Variants in NADSYN1 observed in about 807,000 individuals in gnomAD.
NADSYN1 encodes glutamine-dependent NAD(+) synthetase.
A neutral mutation model predicts 99.3 loss-of-function variants in NADSYN1; 80 were observed. That is an observed-to-expected ratio of 0.81 (90% CI 0.67 to 0.97). The LOEUF (loss-of-function observed/expected upper bound fraction) is 0.97. Among genes scored for constraint, NADSYN1 ranks in the 50% least tolerant of loss-of-function variants. The pLI, the probability that NADSYN1 is intolerant of heterozygous loss-of-function variation, is 0.00. For missense variants in NADSYN1, 859 were observed against 948.5 expected (o/e 0.91, Z 1.24); for synonymous variants, 385 against 372.1 (o/e 1.03, Z -0.40).
At chr11:71,477,114 C>G in intron 9 of NADSYN1, 2 of 1,127,626 alleles carry the variant, frequency 1.8e-6, no homozygotes, top group Non-Finnish European at 2.2e-6. Flanking sequence ...GCCTCCTGCT[C>G]AAGCAACAGA....
intron 5 of NADSYN1, among the ~76,000 whole-genome samples, chr11:71,470,866 C>A (rs1242443551): frequency 6.6e-6 from 1 of 152,188 alleles, no homozygotes; most frequent in African/African-American, 2.4e-5. Flanking sequence ...CTTTCATCTT[C>A]TTTCTAACCA....
intron 16 of NADSYN1, among the ~76,000 whole-genome samples, chr11:71,489,107 G>T (rs1188278669): frequency 6.6e-6 from 1 of 152,154 alleles, no homozygotes; most frequent in East Asian, 1.9e-4. Context: ...TTAAGTTGGG[G>T]TCAGCATGGG....
intron 5 of NADSYN1, among the ~76,000 whole-genome samples, chr11:71,466,268 T>C (rs1218052799): frequency 6.6e-6 from 1 of 152,208 alleles, no homozygotes; most frequent in East Asian, 1.9e-4. Context: ...TCTCCTAGGC[T>C]GAGCACCTAC....
intron 9 of NADSYN1, 26 bp downstream of exon 9, chr11:71,474,552 G>T (rs1419849887): frequency 1.2e-6 from 2 of 1,613,522 alleles, no homozygotes; most frequent in Non-Finnish European, 1.7e-6. Flanking sequence ...GGACATGCCT[G>T]GGGGAGGGTT....
rs183751139 is a variant in NADSYN1 at position 71,463,508 on chromosome 11, G to A, written c.317+23G>A. 1,719 of 1,609,376 alleles carry A rather than the reference G, an allele frequency of 1.1e-3. 23 individuals carry two copies. The Admixed American group carries it at 0.025, about 23-fold the overall frequency. On this transcript the variant is annotated intron_variant, in intron 4 of 20. Coordinates refer to ENST00000319023, the MANE Select transcript of NADSYN1 (RefSeq NM_018161.5). ...CAGGTAGGCCCCCTGCCCCCACCCC[G>A]GGAGGGTGACTGGGGCCTCTCCCTG...
At chr11:71,477,143 C>G in intron 9 of NADSYN1, 1 of 1,139,444 alleles carries the variant, frequency 8.8e-7, no homozygotes, top group South Asian at 1.8e-5. Context: ...TCACCCCCGT[C>G]GGGCCCGCGT....
At chr11:71,479,589 T>G (rs1165326232) in intron 10 of NADSYN1, 5 of 152,168 alleles carry the variant, frequency 3.3e-5, no homozygotes, top group South Asian at 2.1e-4. Flanking sequence ...CAACCACAAG[T>G]CTACTGTCTG....
intron 3 of NADSYN1, 86 bp from the exon 4 acceptor site, chr11:71,463,346 T>C: frequency 8.1e-7 from 1 of 1,228,602 alleles, no homozygotes; most frequent in South Asian, 1.2e-5. Context: ...GTAAAATGCA[T>C]GATTCCAGAG....
intron 2 of NADSYN1, among the ~76,000 whole-genome samples, chr11:71,456,644 C>T (rs942014301): frequency 6.6e-6 from 1 of 152,234 alleles, no homozygotes; most frequent in Non-Finnish European, 1.5e-5. Context: ...ATAAATGTTA[C>T]ATCCACCTCT....
Position 71,501,620 on chromosome 11 carries a change from C to T in NADSYN1, c.*268C>T. The T allele has an allele frequency of 4.0e-6, 2 of 502,722 alleles. No individual in the cohort carries two copies. Among genetic ancestry groups the T allele is most frequent in the Non-Finnish European group, 7.1e-6 (2 of 282,614 alleles). The allele number at this position is 502,722 out of a possible 1,614,324, so 31.1% of individuals were successfully genotyped here. On this transcript the variant is annotated 3_prime_UTR_variant, in exon 21 of 21. Coordinates refer to ENST00000319023, the MANE Select transcript of NADSYN1 (RefSeq NM_018161.5). The stretch of plus-strand genomic sequence containing the variant: ...GAAGTCTGGCATTCTCCGAAGGAAG[C>T]CGCCTGGGTAGGAGGGTTCCAACCG...
chr11:71,453,229 G>T lies in NADSYN1; in HGVS notation c.-68G>T, dbSNP rs1236418478. The T allele has an allele frequency of 1.4e-6, 2 of 1,422,266 alleles. No homozygotes were observed. The highest frequency in any genetic ancestry group is 2.4e-5 in the South Asian group (2 of 83,930). The allele number at this position is 1,422,266 out of a possible 1,614,324, so 88.1% of individuals were successfully genotyped here. A position where few individuals can be genotyped will look rare whatever the true frequency, so the allele number is the denominator to read the frequency against. Reference sequence around the variant, plus strand: ...ACCCGGAAGGTCCGGCGTCCCAGCCGCCTACCTCGCTGGGACCCTGGTCTT... The same window carrying T: ...ACCCGGAAGGTCCGGCGTCCCAGCCTCCTACCTCGCTGGGACCCTGGTCTT... On this transcript the variant is annotated 5_prime_UTR_variant, in exon 1 of 21. Coordinates refer to ENST00000319023, the MANE Select transcript of NADSYN1 (RefSeq NM_018161.5).
chr11:71,476,860 TAGTGAGCACC>T, intron 9 of NADSYN1: 1 of 986,686 alleles, frequency 1.0e-6, no homozygotes, highest in Non-Finnish European at 1.2e-6. Context: ...TCTGTATATT[TAGTGAGCACC>T]AGGCAGTTGT....
Position 71,484,319 on chromosome 11 carries a change from A to G in NADSYN1, c.1327A>G (p.Ile443Val), listed in dbSNP as rs1347202391. 1.9e-6 allele frequency: 3 copies of G among 1,613,674 alleles called. No individual in the cohort carries two copies. The highest frequency in any genetic ancestry group is 3.3e-5 in the Admixed American group (2 of 60,010). The change falls in exon 15 of 21, where the codon ATC becomes GTC. Residue 443 changes from isoleucine (I) to valine (V), a missense_variant. By Grantham distance (29) the Ile-to-Val change is conservative. Transcript: ENST00000319023. ...CTATCCTTCTCCTTCCAGCCACCAC[A>G]TCAGTCTCAACATCGATCCAGCCGT... ...ELAQQIGSHHISLNIDPAVKA... is the reference protein window; with the variant it reads ...ELAQQIGSHHVSLNIDPAVKA...
chr11:71,469,806 A>G (rs774914416), intron 5 of NADSYN1, among the ~76,000 whole-genome samples: 1 of 151,986 alleles, frequency 6.6e-6, no homozygotes, highest in Non-Finnish European at 1.5e-5. Flanking sequence ...CCTGTTCCCA[A>G]CACCAGCTAC....
rs200883440 is a variant in NADSYN1, at chr11:71,481,949, C to G, written c.1074C>G (p.Gly358=). 5.6e-6 allele frequency: 9 copies of G among 1,608,664 alleles called. No individual in the cohort carries two copies. The East Asian group carries it at 1.8e-4, about 32-fold the overall frequency. ...CAGGGTTTTTGCTGCCCTTGAGTGG[C>G]GGGGTGGACAGCGCAGCCACCGCCT... is the stretch of plus-strand genomic sequence containing the variant. ...QQAGFLLPLS[G]GVDSAATACL... Residue 358 remains glycine (G), a synonymous_variant, in exon 13 of 21, where the codon GGC becomes GGG. Transcript: ENST00000319023.
At chr11:71,501,221 C>T (rs553428343) in intron 20 of NADSYN1, 81 bp from the exon 21 acceptor site, 79 of 1,317,132 alleles carry the variant, frequency 6.0e-5, no homozygotes, top group South Asian at 5.6e-4. Flanking sequence ...ACTTGTGACC[C>T]GCTTTTGGTG....
At chr11:71,457,882 G>A (rs796955748) in intron 2 of NADSYN1, among the ~76,000 whole-genome samples, 21 of 152,314 alleles carry the variant, frequency 1.4e-4, no homozygotes, top group African/African-American at 4.3e-4. Flanking sequence ...ACTTAATTTA[G>A]TTACATCAGC....
At position 71,482,877 on chromosome 11, in the gene NADSYN1, C is replaced by T. The variant is rs750565201; in HGVS notation, c.1179C>T (p.Thr393=). 6 of 1,612,942 alleles carry T rather than the reference C, an allele frequency of 3.7e-6. No homozygotes were observed. The East Asian group carries it at 8.9e-5, about 24-fold the overall frequency. The change falls in exon 14 of 21, where the codon ACC becomes ACT. Residue 393 remains threonine (T), a synonymous_variant. Coordinates refer to ENST00000319023, the MANE Select transcript of NADSYN1 (RefSeq NM_018161.5). ...AGGAAGTGCTGGCTGATGTCCGCAC[C>T]ATCGTGAACCAGATCAGCTACACCC... ...GNEEVLADVR[T]IVNQISYTPQ... is the part of the protein sequence containing the mutation.
At chr11:71,487,134 A>G (rs1409395117) in intron 16 of NADSYN1, among the ~76,000 whole-genome samples, 1 of 151,992 alleles carries the variant, frequency 6.6e-6, no homozygotes, top group Non-Finnish European at 1.5e-5. Context: ...TTTAAAACTG[A>G]TTTTTTATTT....
Sources: gnomAD v4.1 joint callset for allele counts (sites outside exome capture counted in the v4.1 genomes callset) on GRCh38, gnomAD v4.1.1 for gene constraint, MANE v1.5 for transcripts, NCBI Gene and HGNC (gene_info 2026-07-23, HGNC 2026-07-21) for gene names.